Variants in NTN1 observed in about 807,000 individuals in gnomAD.
NTN1 encodes the protein netrin-1.
Under a neutral mutation model 54.2 loss-of-function variants are expected in NTN1, and 11 were observed. The observed-to-expected ratio is 0.20, with a 90% CI of 0.13 to 0.34. NTN1 has a LOEUF of 0.34. NTN1 is among the 10% of genes least tolerant of loss of function. NTN1 has a pLI of 1.00. For missense variants in NTN1, 740 were observed against 893.1 expected, an observed-to-expected ratio of 0.83 and a Z score of 2.18; for synonymous variants, 371 against 382.0, an observed-to-expected ratio of 0.97 and a Z score of 0.33.
At chr17:9,235,258 C>T (rs1905946799) in intron 6 of NTN1, among the ~76,000 whole-genome samples, 1 of 152,050 alleles carries the variant, frequency 6.6e-6, no homozygotes, top group Non-Finnish European at 1.5e-5. Flanking sequence ...AGTCACCGTG[C>T]CCAGCCAGCA....
Position 9,023,237 on chromosome 17 carries a change from C to T in NTN1, c.864C>T (p.Asn288=). 1 of 1,566,806 alleles carries T rather than the reference C, an allele frequency of 6.4e-7. No individual in the cohort carries two copies. Among genetic ancestry groups the T allele is most frequent in the Non-Finnish European group, 8.6e-7 (1 of 1,156,266 alleles). ...DLQVGGRCKC[N]GHAARCVRDR... is the part of the protein sequence containing the mutation. ...AGGTGGGCGGCCGGTGCAAGTGCAA[C>T]GGCCACGCGGCCCGCTGCGTGCGCG... The change falls in exon 2 of 7, where the codon AAC becomes AAT. Residue 288 remains asparagine, a synonymous_variant. Coordinates refer to ENST00000173229, the MANE Select transcript of NTN1 (RefSeq NM_004822.3).
upstream of NTN1, among the ~76,000 whole-genome samples, chr17:9,018,426 G>C (rs2091836152): frequency 6.6e-6 from 1 of 152,104 alleles, no homozygotes; most frequent in East Asian, 1.9e-4. Context: ...GAGGTCAGGA[G>C]TTTGAGACCA....
At position 9,221,191 on chromosome 17, in the gene NTN1, T is replaced by G; in HGVS notation, c.1435T>G (p.Ser479Ala). ...AGACTGCGATTCCTACTGCAAGGCC[T>G]CCAAGGGGAAGCTGAAGATTAACAT... ...PEDCDSYCKASKGKLKINMKK... is the reference protein window; with the variant it reads ...PEDCDSYCKAAKGKLKINMKK... Residue 479 changes from serine (S) to alanine (A), a missense_variant, in exon 6 of 7, where the codon TCC becomes GCC. Transcript: ENST00000173229. This position sits in a 1 kb window ranked among gnomAD's most constrained non-coding sequence, Gnocchi z 4.5. 2 of 1,518,668 alleles carry G rather than the reference T, an allele frequency of 1.3e-6. No individual in the cohort carries two copies. Among genetic ancestry groups the G allele is most frequent in the Non-Finnish European group, 1.8e-6 (2 of 1,109,550 alleles). 94.1% of individuals were successfully genotyped at this position (1,518,668 alleles called of 1,614,324 possible). A position where few individuals can be genotyped will look rare whatever the true frequency, so the allele number is the denominator to read the frequency against.
At chr17:9,161,014 G>T (rs567229052) in intron 2 of NTN1, among the ~76,000 whole-genome samples, 1 of 152,182 alleles carries the variant, frequency 6.6e-6, no homozygotes, top group Non-Finnish European at 1.5e-5. Flanking sequence ...TCCATAAAAC[G>T]TGATTTAGAA....
In NTN1 at chr17:9,027,977, T is replaced by C. The variant is rs143308630; in HGVS notation, c.1018+4586T>C. Among the ~76,000 whole-genome samples, 1,097 of 152,132 alleles carry C rather than the reference T, an allele frequency of 7.2e-3. 14 individuals are homozygous for C. The highest frequency in any genetic ancestry group is 0.025 in the African/African-American group (1,043 of 41,500). On this transcript the variant is annotated intron_variant, in intron 2 of 6. Coordinates refer to ENST00000173229, the MANE Select transcript of NTN1 (RefSeq NM_004822.3). ...CGTCTCTACTAAAGATACAAAAAAT[T>C]AGCTGGGCATAGTGGCGGGTGCCGG...
intron 5 of NTN1, among the ~76,000 whole-genome samples, chr17:9,187,927 TATCATATG>T (rs2092438728): frequency 6.6e-6 from 1 of 152,190 alleles, no homozygotes; most frequent in Non-Finnish European, 1.5e-5. Context: ...AAAGGCTGCA[TATCATATG>T]ATTCCATTTA....
In NTN1 at chr17:9,219,068, C is replaced by A. The variant is rs1001224255; in HGVS notation, c.1412-2100C>A. ...ACGCAGAATCGCCAGGACTTACGCACAACCTGGGTTCAGCCCCAGCAGTGG... is the reference window on the plus strand; with the variant it reads ...ACGCAGAATCGCCAGGACTTACGCAAAACCTGGGTTCAGCCCCAGCAGTGG... On this transcript the variant is annotated intron_variant, in intron 5 of 6. Coordinates refer to ENST00000173229, the MANE Select transcript of NTN1 (RefSeq NM_004822.3). The surrounding 1 kb of genome is among the most constrained non-coding windows in gnomAD (Gnocchi z 4.5). 2.6e-5 allele frequency among the ~76,000 whole-genome samples: 4 copies of A among 152,228 alleles called. No homozygotes were observed. The highest frequency in any genetic ancestry group is 7.2e-5 in the African/African-American group (3 of 41,460).
chr17:9,054,022 T>G lies in NTN1; in HGVS notation c.1018+30631T>G, dbSNP rs371377798. On this transcript the variant is annotated intron_variant, in intron 2 of 6. Transcript: ENST00000173229. Reference sequence around the variant, plus strand: ...GGACTGGGTGGTCTCACGTTTGCCTTGGCAGGGATCCCCGTTGGGTGCCTG... The same window carrying G: ...GGACTGGGTGGTCTCACGTTTGCCTGGGCAGGGATCCCCGTTGGGTGCCTG... 3.3e-3 allele frequency among the ~76,000 whole-genome samples: 503 copies of G among 152,316 alleles called. 4 individuals carry two copies. Among genetic ancestry groups the G allele is most frequent in the African/African-American group, 0.011 (466 of 41,584 alleles).
intron 3 of NTN1, chr17:9,179,079 C>T (rs918980098): frequency 6.6e-6 from 1 of 152,304 alleles, no homozygotes; most frequent in African/African-American, 2.4e-5. Flanking sequence ...CCGGGCCTTG[C>T]TTCAGCTCCC....
chr17:9,239,709 C>T lies in NTN1; in HGVS notation c.1556C>T (p.Ser519Phe), dbSNP rs760426490. The T allele has an allele frequency of 1.9e-6, 3 of 1,613,620 alleles. No individual in the cohort carries two copies. The South Asian group carries it at 3.3e-5, about 18-fold the overall frequency. The change falls in exon 7 of 7, where the codon TCC becomes TTC. Residue 519 changes from serine (S) to phenylalanine (F), a missense_variant. Physicochemically the swap from Ser to Phe is radical, Grantham distance 155 (BLOSUM62 -2). Coordinates refer to ENST00000173229, the MANE Select transcript of NTN1 (RefSeq NM_004822.3). The surrounding 1 kb of genome is among the most constrained non-coding windows in gnomAD (Gnocchi z 5.2). ...DWWKFTVNII[S>F]VYKQGTSRIR... ...TGGAAGTTCACGGTGAACATCATCT[C>T]CGTGTATAAGCAGGGCACGAGCCGC... is the stretch of plus-strand genomic sequence containing the variant.
At chr17:9,126,743 G>A (rs1163406856) in intron 2 of NTN1, among the ~76,000 whole-genome samples, 1 of 152,150 alleles carries the variant, frequency 6.6e-6, no homozygotes, top group Non-Finnish European at 1.5e-5. Context: ...AATCAGCGGA[G>A]TCAAGCACAG....
intron 6 of NTN1, among the ~76,000 whole-genome samples, chr17:9,235,735 CTTCT>C (rs1905963131): frequency 7.0e-6 from 1 of 142,436 alleles, no homozygotes; most frequent in Non-Finnish European, 1.6e-5. Context: ...CTTCTTCTTT[CTTCT>C]TTTTTTTTTT....
chr17:9,049,649 A>G (rs2091953394), intron 2 of NTN1, among the ~76,000 whole-genome samples: 1 of 152,258 alleles, frequency 6.6e-6, no homozygotes, highest in Admixed American at 6.5e-5. Flanking sequence ...AAGGTCATTA[A>G]AGACAAAAAG....
chr17:9,103,015 G>GT lies in NTN1; in HGVS notation c.1019-59797dup, dbSNP rs1041055018. ...CAGGAGGTGGCTTCTGATGGTGAGT[G>GT]TGGGGGGATAGTGTTCTGGTTCTTG... On this transcript the variant is annotated intron_variant, in intron 2 of 6. Coordinates refer to ENST00000173229, the MANE Select transcript of NTN1 (RefSeq NM_004822.3). Among the ~76,000 whole-genome samples the GT allele has an allele frequency of 1.6e-4, 25 of 152,334 alleles. No individual in the cohort carries two copies. In the East Asian group the frequency reaches 2.9e-3, roughly 18 times the overall value.
At chr17:9,157,669 G>A (rs535838202) in intron 2 of NTN1, among the ~76,000 whole-genome samples, 6 of 152,358 alleles carry the variant, frequency 3.9e-5, no homozygotes, top group African/African-American at 1.4e-4. Flanking sequence ...GATAGCCAAA[G>A]AGGGGCACAA....
chr17:9,206,981 C>T (rs774374641), intron 5 of NTN1, among the ~76,000 whole-genome samples: 1 of 152,114 alleles, frequency 6.6e-6, no homozygotes, highest in African/African-American at 2.4e-5. Context: ...TACAGAGACT[C>T]GAGCCTGGTG....
In NTN1 at chr17:9,216,621, C is replaced by T. The variant is rs982876275; in HGVS notation, c.1412-4547C>T. 3.3e-5 allele frequency among the ~76,000 whole-genome samples: 5 copies of T among 152,226 alleles called. 1 individual carries two copies. Among genetic ancestry groups the T allele is most frequent in the African/African-American group, 4.8e-5 (2 of 41,456 alleles). On this transcript the variant is annotated intron_variant, in intron 5 of 6. Coordinates refer to ENST00000173229, the MANE Select transcript of NTN1 (RefSeq NM_004822.3). ...TTTAAGGAGGATGGCCAGGAAGGCG[C>T]ACAGCTCTGTCTTCAGCTCCTGGTT...
intron 5 of NTN1, among the ~76,000 whole-genome samples, chr17:9,206,809 T>C (rs1278868857): frequency 6.6e-6 from 1 of 152,248 alleles, no homozygotes; most frequent in African/African-American, 2.4e-5. Flanking sequence ...ACCAAAGCCC[T>C]TCAAACCTCC....
intron 2 of NTN1, among the ~76,000 whole-genome samples, chr17:9,025,561 A>G (rs2091867420): frequency 6.6e-6 from 1 of 152,242 alleles, no homozygotes; most frequent in Admixed American, 6.5e-5. Context: ...TTATTCAGTC[A>G]TCTCATAAAA....
Sources: gnomAD v4.1 joint callset for allele counts (sites outside exome capture counted in the v4.1 genomes callset) on GRCh38, gnomAD v4.1.1 for gene constraint, Gnocchi (gnomAD v3.1) non-coding constraint, MANE v1.5 for transcripts, NCBI Gene and HGNC (gene_info 2026-07-23, HGNC 2026-07-21) for gene names.